Variants in TAFA1 observed in about 807,000 individuals in gnomAD.
TAFA1 encodes the protein TAFA chemokine like family member 1, also known as chemokine-like protein TAFA-1.
A neutral mutation model predicts 18.5 loss-of-function variants in TAFA1; 4 were observed. The observed-to-expected ratio is 0.22, with a 90% confidence interval of 0.11 to 0.49. The LOEUF (loss-of-function observed/expected upper bound fraction) is 0.49, where lower values mean the gene tolerates loss of function less well. Ranked by LOEUF, TAFA1 falls within the 20% of genes least tolerant of loss-of-function variation. TAFA1 has a pLI of 0.98. For synonymous variants in TAFA1, 56 were observed against 55.2 expected (o/e 1.01, Z -0.06); for missense variants, 147 against 169.0 (o/e 0.87, Z 0.72).
chr3:68,311,542 C>A (rs1559611939), intron 2 of TAFA1, among the ~76,000 whole-genome samples: 1 of 152,190 alleles, frequency 6.6e-6, no homozygotes, highest in Non-Finnish European at 1.5e-5. Flanking sequence ...GGGCTACAAG[C>A]CCCATACAAA....
intron 3 of TAFA1, among the ~76,000 whole-genome samples, chr3:68,535,632 TGACAATATAATAGAGTA>T (rs1394465128): frequency 1.3e-5 from 2 of 152,148 alleles, no homozygotes; most frequent in African/African-American, 4.8e-5. Flanking sequence ...TTTCTTAAAT[TGACAATATAATAGAGTA>T]GACATGACTT....
chr3:68,273,578 G>A (rs1299526637), intron 2 of TAFA1, among the ~76,000 whole-genome samples: 1 of 152,174 alleles, frequency 6.6e-6, no homozygotes, highest in Non-Finnish European at 1.5e-5. Context: ...CAACCTGAAG[G>A]CAGATGGATG....
intron 3 of TAFA1, among the ~76,000 whole-genome samples, chr3:68,524,548 A>G (rs929483641): frequency 6.6e-6 from 1 of 152,192 alleles, no homozygotes; most frequent in Non-Finnish European, 1.5e-5. Flanking sequence ...TGGCATTATT[A>G]AACCACTATT....
intron 2 of TAFA1, among the ~76,000 whole-genome samples, chr3:68,021,212 A>AAAAAG (rs151201268): frequency 1.3e-5 from 2 of 148,326 alleles, no homozygotes; most frequent in Non-Finnish European, 3.0e-5. Context: ...AAAAAAAAAA[A>AAAAAG]GTAGTTTAGT....
chr3:68,088,247 A>G (rs1391649716), intron 2 of TAFA1, among the ~76,000 whole-genome samples: 3 of 152,240 alleles, frequency 2.0e-5, no homozygotes, highest in Non-Finnish European at 4.4e-5. Flanking sequence ...TATAGCAATC[A>G]TACTGTCAGA....
chr3:68,145,870 T>A (rs934397072), intron 2 of TAFA1, among the ~76,000 whole-genome samples: 1 of 152,172 alleles, frequency 6.6e-6, no homozygotes, highest in Non-Finnish European at 1.5e-5. Flanking sequence ...AAAATTGACG[T>A]AAAAAGCCTT....
At chr3:68,099,357 C>G (rs778714898) in intron 2 of TAFA1, among the ~76,000 whole-genome samples, 2 of 152,078 alleles carry the variant, frequency 1.3e-5, no homozygotes, top group Non-Finnish European at 2.9e-5. Flanking sequence ...TGAACAGACA[C>G]TTCTCAAAAG....
At chr3:68,297,146 G>C (rs549024171) in intron 2 of TAFA1, among the ~76,000 whole-genome samples, 21 of 152,176 alleles carry the variant, frequency 1.4e-4, no homozygotes, top group African/African-American at 4.8e-4. Flanking sequence ...AACACAAGAT[G>C]ACGCTGAAGG....
intron 2 of TAFA1, among the ~76,000 whole-genome samples, chr3:68,281,983 C>T (rs941379370): frequency 5.3e-5 from 8 of 152,154 alleles, no homozygotes; most frequent in Non-Finnish European, 8.8e-5. Flanking sequence ...TTCAGCATGG[C>T]TGGGGAGGCC....
At chr3:68,307,262 T>G (rs538168828) in intron 2 of TAFA1, among the ~76,000 whole-genome samples, 3 of 152,196 alleles carry the variant, frequency 2.0e-5, no homozygotes, top group Non-Finnish European at 4.4e-5. Flanking sequence ...TTGTACCTCA[T>G]TTTTCGAAAG....
intron 2 of TAFA1, among the ~76,000 whole-genome samples, chr3:68,246,613 A>AAAAAAAAAAAT (rs1274134425): frequency 6.8e-6 from 1 of 146,798 alleles, no homozygotes; most frequent in African/African-American, 2.6e-5. Context: ...AAAAAAAAAA[A>AAAAAAAAAAAT]AAAAAAAAAA....
chr3:68,403,665 G>A (rs1208813606), intron 2 of TAFA1, among the ~76,000 whole-genome samples: 1 of 152,188 alleles, frequency 6.6e-6, no homozygotes, highest in Non-Finnish European at 1.5e-5. Flanking sequence ...GGTTGCATTT[G>A]TGATATAACA....
At chr3:68,147,108 A>T (rs1388245253) in intron 2 of TAFA1, among the ~76,000 whole-genome samples, 1 of 151,588 alleles carries the variant, frequency 6.6e-6, no homozygotes, top group African/African-American at 2.4e-5. Flanking sequence ...AAAACTTTCT[A>T]GCTGGGGAGA....
chr3:68,067,141 A>C (rs1360619741), intron 2 of TAFA1, among the ~76,000 whole-genome samples: 1 of 152,148 alleles, frequency 6.6e-6, no homozygotes, highest in Non-Finnish European at 1.5e-5. Context: ...CTACAATGAG[A>C]TTAGTTTTCC....
At chr3:68,280,177 C>T (rs983664608) in intron 2 of TAFA1, among the ~76,000 whole-genome samples, 1 of 152,122 alleles carries the variant, frequency 6.6e-6, no homozygotes, top group Non-Finnish European at 1.5e-5. Flanking sequence ...AAGCTGTAAT[C>T]AAGCATAAAA....
At chr3:68,113,645 T>C (rs77639333) in intron 2 of TAFA1, among the ~76,000 whole-genome samples, 6,458 of 151,960 alleles carry the variant, frequency 0.042, 435 homozygotes, top group African/African-American at 0.15. Context: ...GAAATGAAAA[T>C]AATCATCAAA....
At chr3:68,268,745 G>A (rs1048730017) in intron 2 of TAFA1, among the ~76,000 whole-genome samples, 1 of 151,962 alleles carries the variant, frequency 6.6e-6, no homozygotes, top group Non-Finnish European at 1.5e-5. Context: ...GTGCTGTAGG[G>A]GCTGCTAATG....
At chr3:68,110,021 G>T (rs1321641302) in intron 2 of TAFA1, among the ~76,000 whole-genome samples, 2 of 151,980 alleles carry the variant, frequency 1.3e-5, no homozygotes, top group East Asian at 1.9e-4. Context: ...GCATGTGCAG[G>T]TTTGCTACAT....
At chr3:68,191,305 A>G (rs1439142279) in intron 2 of TAFA1, among the ~76,000 whole-genome samples, 1 of 151,776 alleles carries the variant, frequency 6.6e-6, no homozygotes, top group Non-Finnish European at 1.5e-5. Flanking sequence ...AGAGTAGTAC[A>G]TATTAATTTA....
Sources: gnomAD v4.1 joint callset for allele counts (sites outside exome capture counted in the v4.1 genomes callset) on GRCh38, gnomAD v4.1.1 for gene constraint, MANE v1.5 for transcripts, NCBI Gene and HGNC (gene_info 2026-07-23, HGNC 2026-07-21) for gene names.